Variants in MAGI2 observed in about 807,000 individuals in gnomAD.
MAGI2 encodes the protein membrane associated guanylate kinase, WW and PDZ domain containing 2.
MAGI2 carries 35 observed loss-of-function variants against 133.3 expected under a neutral mutation model. The ratio of observed to expected loss-of-function variants is 0.26; its 90% CI spans 0.20 to 0.35. The LOEUF (loss-of-function observed/expected upper bound fraction) is 0.35. Among genes scored for constraint, MAGI2 ranks in the 10% least tolerant of loss-of-function variants. The pLI is 1.00. For missense variants in MAGI2, 1,636 were observed against 1,863.4 expected, an observed-to-expected ratio of 0.88 and a Z score of 2.25; for synonymous variants, 729 against 710.6, an observed-to-expected ratio of 1.03 and a Z score of -0.41.
chr7:78,648,427 C>T lies in MAGI2; in HGVS notation c.419-21188G>A, dbSNP rs550224854. 3.3e-5 allele frequency among the ~76,000 whole-genome samples: 5 copies of T among 152,326 alleles called. No homozygotes were observed. The East Asian group carries it at 9.6e-4, about 29-fold the overall frequency. On this transcript the variant is annotated intron_variant, in intron 2 of 21. Coordinates refer to ENST00000354212, the MANE Select transcript of MAGI2 (RefSeq NM_012301.4). ...ATGCCTATTTTTGTTAGCCTTGCTTCCAAAGATACAACAGCTGAAACCTGA... is the reference window on the plus strand; with the variant it reads ...ATGCCTATTTTTGTTAGCCTTGCTTTCAAAGATACAACAGCTGAAACCTGA...
chr7:79,418,600 T>C (rs979412747), intron 1 of MAGI2, among the ~76,000 whole-genome samples: 3 of 151,842 alleles, frequency 2.0e-5, no homozygotes, highest in African/African-American at 4.8e-5. Flanking sequence ...CACAGGACTT[T>C]AGTTACCATT....
At chr7:78,330,953 G>A (rs1789125459) in intron 9 of MAGI2, among the ~76,000 whole-genome samples, 1 of 152,092 alleles carries the variant, frequency 6.6e-6, no homozygotes, top group Admixed American at 6.6e-5. Context: ...AGTGCATATG[G>A]TGCGTATACA....
chr7:78,213,577 C>A (rs1787978720), intron 10 of MAGI2, among the ~76,000 whole-genome samples: 2 of 152,200 alleles, frequency 1.3e-5, no homozygotes, highest in Non-Finnish European at 2.9e-5. Flanking sequence ...TGGTGAACTA[C>A]TAATCTAACT....
intron 1 of MAGI2, among the ~76,000 whole-genome samples, chr7:79,051,173 C>T (rs1234862427): frequency 2.6e-5 from 4 of 152,212 alleles, no homozygotes; most frequent in African/African-American, 4.8e-5. Context: ...CATAGAATTG[C>T]CTTTGCTTTT....
intron 9 of MAGI2, among the ~76,000 whole-genome samples, chr7:78,337,057 A>C (rs937873582): frequency 2.0e-5 from 3 of 152,204 alleles, no homozygotes; most frequent in Non-Finnish European, 4.4e-5. Flanking sequence ...CATCATGTAA[A>C]GAGGGAAGCT....
At chr7:79,400,517 G>A (rs1845394157) in intron 1 of MAGI2, among the ~76,000 whole-genome samples, 1 of 152,140 alleles carries the variant, frequency 6.6e-6, no homozygotes, top group Non-Finnish European at 1.5e-5. Flanking sequence ...CAGAACAGCA[G>A]CATAATAAAA....
At chr7:78,664,559 A>C (rs1813334043) in intron 2 of MAGI2, among the ~76,000 whole-genome samples, 1 of 151,968 alleles carries the variant, frequency 6.6e-6, no homozygotes, top group African/African-American at 2.4e-5. Flanking sequence ...TCTACTTTTG[A>C]ATAATTTTCT....
intron 2 of MAGI2, among the ~76,000 whole-genome samples, chr7:78,869,014 A>G (rs1441387536): frequency 1.3e-5 from 2 of 152,186 alleles, no homozygotes; most frequent in African/African-American, 4.8e-5. Context: ...CGGCCTCCCA[A>G]AGTGCTAGGA....
chr7:78,681,080 G>A (rs992558664), intron 2 of MAGI2, among the ~76,000 whole-genome samples: 7 of 152,086 alleles, frequency 4.6e-5, no homozygotes, highest in African/African-American at 9.7e-5. Context: ...CATTTAAAAT[G>A]TCTTCCTTCA....
intron 3 of MAGI2, among the ~76,000 whole-genome samples, chr7:78,611,673 C>A (rs997876362): frequency 6.6e-6 from 1 of 152,190 alleles, no homozygotes; most frequent in Admixed American, 6.5e-5. Flanking sequence ...GATAAAACTT[C>A]CTACAACACA....
At chr7:78,076,110 G>A (rs1238056655) in intron 21 of MAGI2, among the ~76,000 whole-genome samples, 1 of 152,154 alleles carries the variant, frequency 6.6e-6, no homozygotes, top group Non-Finnish European at 1.5e-5. Flanking sequence ...AATATATTTA[G>A]AAGAAATTCT....
Position 79,103,463 on chromosome 7 carries a change from C to T in MAGI2, c.302-96257G>A, listed in dbSNP as rs182143825. ...GAAGCCACAGACTAATAGGAGCAAA[C>T]TGAAATATGAACAGATAAATTTTAA... On this transcript the variant is annotated intron_variant, in intron 1 of 21. Coordinates refer to ENST00000354212, the MANE Select transcript of MAGI2 (RefSeq NM_012301.4). Among the ~76,000 whole-genome samples, 135 of 152,012 alleles carry T rather than the reference C, an allele frequency of 8.9e-4. 2 individuals carry two copies. The highest frequency in any genetic ancestry group is 3.1e-3 in the African/African-American group (128 of 41,430).
At chr7:78,942,597 G>A (rs1801077512) in intron 2 of MAGI2, among the ~76,000 whole-genome samples, 2 of 151,878 alleles carry the variant, frequency 1.3e-5, no homozygotes, top group Admixed American at 1.3e-4. Flanking sequence ...AAGATTTCTG[G>A]GTAGTTCATC....
intron 1 of MAGI2, among the ~76,000 whole-genome samples, chr7:79,136,093 GA>G (rs1562929332): frequency 1.3e-5 from 2 of 149,342 alleles, no homozygotes; most frequent in South Asian, 2.1e-4. Flanking sequence ...AAGAAAGAAA[GA>G]AAGAAAGAAA....
intron 9 of MAGI2, among the ~76,000 whole-genome samples, chr7:78,305,180 C>T (rs557020488): frequency 1.3e-5 from 2 of 152,126 alleles, no homozygotes; most frequent in African/African-American, 2.4e-5. Flanking sequence ...ACATGCCCCA[C>T]GTGTTTTGCC....
intron 9 of MAGI2, among the ~76,000 whole-genome samples, chr7:78,328,862 G>C (rs1235838789): frequency 6.6e-6 from 1 of 152,098 alleles, no homozygotes; most frequent in East Asian, 1.9e-4. Context: ...TAAGAGGAGT[G>C]AAAATATTAG....
At chr7:78,724,810 AAT>A (rs1369266778) in intron 2 of MAGI2, among the ~76,000 whole-genome samples, 2 of 152,206 alleles carry the variant, frequency 1.3e-5, no homozygotes, top group Non-Finnish European at 2.9e-5. Flanking sequence ...TTCTAATAAC[AAT>A]GCATAACAGC....
chr7:78,691,640 C>A (rs1816967092), intron 2 of MAGI2, among the ~76,000 whole-genome samples: 1 of 152,006 alleles, frequency 6.6e-6, no homozygotes, highest in African/African-American at 2.4e-5. Flanking sequence ...ACCAAAAGAG[C>A]AGACTCTTTT....
intron 3 of MAGI2, among the ~76,000 whole-genome samples, chr7:78,553,936 C>T (rs926533632): frequency 6.6e-6 from 1 of 152,012 alleles, no homozygotes; most frequent in Non-Finnish European, 1.5e-5. Flanking sequence ...GGGGTGAAGG[C>T]CCAACCTGAG....
Sources: gnomAD v4.1 joint callset for allele counts (sites outside exome capture counted in the v4.1 genomes callset) on GRCh38, gnomAD v4.1.1 for gene constraint, MANE v1.5 for transcripts, NCBI Gene and HGNC (gene_info 2026-07-23, HGNC 2026-07-21) for gene names.